The following RUVBL1 variants were observed in gnomAD, a reference collection of about 807,000 sequenced individuals.
RUVBL1 encodes RuvB like AAA ATPase 1, also known as ruvB-like 1.
RUVBL1 carries 4 observed loss-of-function variants against 52.4 expected under a neutral mutation model. That is an observed-to-expected ratio of 0.08 (90% CI 0.04 to 0.17). The LOEUF is 0.17. RUVBL1 is among the 10% of genes least tolerant of loss of function. RUVBL1 has a pLI of 1.00. For missense variants in RUVBL1, 298 were observed against 572.8 expected, an observed-to-expected ratio of 0.52 and a Z score of 4.90; for synonymous variants, 217 against 214.4, an observed-to-expected ratio of 1.01 and a Z score of -0.10.
intron 1 of RUVBL1, among the ~76,000 whole-genome samples, chr3:128,123,040 C>T (rs968705764): frequency 2.6e-5 from 4 of 152,134 alleles, no homozygotes; most frequent in Non-Finnish European, 5.9e-5. Flanking sequence ...CCTCAGTTCC[C>T]GGATCCTGGG....
chr3:128,100,811 C>T, intron 5 of RUVBL1, 67 bp from the exon 6 acceptor site: 1 of 1,583,264 alleles, frequency 6.3e-7, no homozygotes, highest in African/African-American at 1.4e-5. Context: ...TGGCACAGGG[C>T]TAAGTGAGAT....
chr3:128,069,848 T>C (rs1942104229), intron 9 of RUVBL1: 2 of 594,730 alleles, frequency 3.4e-6, no homozygotes, highest in East Asian at 5.8e-5. Flanking sequence ...ATCCTGGCAC[T>C]GGCAAAAAGA....
In RUVBL1 at chr3:128,108,202, C is replaced by A. The variant is rs1446819355; in HGVS notation, c.362-3278G>T. 4.6e-5 allele frequency among the ~76,000 whole-genome samples: 7 copies of A among 152,132 alleles called. No homozygotes were observed. The East Asian group carries it at 1.3e-3, about 29-fold the overall frequency. On this transcript the variant is annotated intron_variant, in intron 3 of 10. Coordinates refer to ENST00000322623, the MANE Select transcript of RUVBL1 (RefSeq NM_003707.3). The stretch of plus-strand genomic sequence containing the variant: ...TTTCTGGTCGGCTTATTGCTTCCTC[C>A]CCACCCCCTCTCCCAACTTCACAGA...
intron 4 of RUVBL1, among the ~76,000 whole-genome samples, chr3:128,103,326 A>T (rs1243891066): frequency 6.6e-6 from 1 of 152,190 alleles, no homozygotes; most frequent in Non-Finnish European, 1.5e-5. Context: ...TAATTACTGG[A>T]AAGGTGGCAG....
In RUVBL1 at chr3:128,119,417, A is replaced by G. The variant is rs2107715061; in HGVS notation, c.142-3T>C. ...AATTCTACTATGACGCCACATGCCT[A>G]CACACCACAATGGAAAGAAATAATA... On this transcript the variant is annotated splice_polypyrimidine_tract_variant and splice_region_variant and intron_variant, in intron 1 of 10. Coordinates refer to ENST00000322623, the MANE Select transcript of RUVBL1 (RefSeq NM_003707.3). 1 of 1,607,758 alleles carries G rather than the reference A, an allele frequency of 6.2e-7. No individual in the cohort carries two copies.
chr3:128,134,774 C>T (rs1943927619), intron 1 of RUVBL1, among the ~76,000 whole-genome samples: 1 of 151,070 alleles, frequency 6.6e-6, no homozygotes, highest in East Asian at 1.9e-4. Context: ...GCACTCCAGC[C>T]TGGGTGAGAA....
downstream of RUVBL1, among the ~76,000 whole-genome samples, chr3:128,076,528 A>G (rs954230983): frequency 6.6e-6 from 1 of 152,086 alleles, no homozygotes; most frequent in African/African-American, 2.4e-5. The surrounding 1 kb of genome is among the most constrained non-coding windows in gnomAD (Gnocchi z 6.8). Context: ...GATGGTTGGG[A>G]CAGTGGGCAG....
At chr3:128,149,941 T>C (rs192974638) in intron 1 of RUVBL1, among the ~76,000 whole-genome samples, 35 of 152,384 alleles carry the variant, frequency 2.3e-4, no homozygotes, top group African/African-American at 7.9e-4. Context: ...TTTCAGGATA[T>C]GCTTAGCATG....
Position 128,123,698 on chromosome 3 carries a change from A to T in RUVBL1, c.27T>A (p.Thr9=), listed in dbSNP as rs1029479171. 3 of 1,610,760 alleles carry T rather than the reference A, an allele frequency of 1.9e-6. No homozygotes were observed. The African/African-American group carries it at 4.0e-5, about 21-fold the overall frequency. The change falls in exon 1 of 11, where the codon ACT becomes ACA. Residue 9 remains threonine (T), a synonymous_variant. Transcript: ENST00000322623. ...GGGAGGCGATGCGCTGCGTCTTCGT[A>T]GTGCTCTTCACCTCCTCAATCTTCA... The part of the protein sequence containing the change: MKIEEVKS[T]TKTQRIASHS...
intron 2 of RUVBL1, 43 bp downstream of exon 2, chr3:128,119,285 T>C: frequency 1.3e-6 from 2 of 1,506,384 alleles, no homozygotes; most frequent in Non-Finnish European, 1.8e-6. Flanking sequence ...GACACTAGGA[T>C]CATTCTCCTG....
chr3:128,129,988 C>A (rs1393287984), intron 1 of RUVBL1, among the ~76,000 whole-genome samples: 1 of 152,058 alleles, frequency 6.6e-6, no homozygotes, highest in African/African-American at 2.4e-5. Flanking sequence ...TAACTGTACA[C>A]ATAAAATGGT....
intron 1 of RUVBL1, among the ~76,000 whole-genome samples, chr3:128,122,966 C>T (rs1224047671): frequency 1.3e-5 from 2 of 152,150 alleles, no homozygotes; most frequent in African/African-American, 4.8e-5. Flanking sequence ...TTGGAATGGT[C>T]AAAAAGGATG....
chr3:128,150,316 G>C (rs1468912330), intron 1 of RUVBL1, among the ~76,000 whole-genome samples: 2 of 151,958 alleles, frequency 1.3e-5, no homozygotes, highest in Non-Finnish European at 2.9e-5. Flanking sequence ...ATTCTCTAGA[G>C]GGACAGAACT....
chr3:128,145,946 C>T (rs377573936), intron 1 of RUVBL1, among the ~76,000 whole-genome samples: 1 of 152,124 alleles, frequency 6.6e-6, no homozygotes, highest in Admixed American at 6.5e-5. Flanking sequence ...TGTGCTAAAC[C>T]CAGGGGGAAG....
intron 1 of RUVBL1, among the ~76,000 whole-genome samples, chr3:128,134,603 A>G (rs1240571322): frequency 6.6e-6 from 1 of 151,992 alleles, no homozygotes; most frequent in Non-Finnish European, 1.5e-5. Context: ...CCTGGGCAAC[A>G]TGGTGAAACC....
chr3:128,118,887 T>C (rs1272203892), intron 2 of RUVBL1, among the ~76,000 whole-genome samples: 2 of 152,254 alleles, frequency 1.3e-5, no homozygotes, highest in African/African-American at 4.8e-5. Flanking sequence ...ATAAAAATCA[T>C]GTCTCTAATT....
intron 4 of RUVBL1, among the ~76,000 whole-genome samples, chr3:128,102,071 T>G (rs1943120556): frequency 6.6e-6 from 1 of 152,220 alleles, no homozygotes; most frequent in Non-Finnish European, 1.5e-5. Context: ...TCATCATCCC[T>G]ACTTCACTCC....
chr3:128,080,021 G>A (rs541252642), downstream of RUVBL1, among the ~76,000 whole-genome samples: 6 of 152,326 alleles, frequency 3.9e-5, no homozygotes, highest in African/African-American at 1.2e-4. Flanking sequence ...GGACAGGCCT[G>A]GCAAGGGCAA....
At chr3:128,133,490 T>A (rs1439205615) in intron 1 of RUVBL1, among the ~76,000 whole-genome samples, 1 of 152,232 alleles carries the variant, frequency 6.6e-6, no homozygotes, top group African/African-American at 2.4e-5. Flanking sequence ...CCCAGTGGTG[T>A]TGCTACAGAG....
Sources: gnomAD v4.1 joint callset for allele counts (sites outside exome capture counted in the v4.1 genomes callset) on GRCh38, gnomAD v4.1.1 for gene constraint, Gnocchi (gnomAD v3.1) non-coding constraint, MANE v1.5 for transcripts, NCBI Gene and HGNC (gene_info 2026-07-23, HGNC 2026-07-21) for gene names.